Variants in MYO18A observed in about 807,000 individuals in gnomAD.
The protein encoded by MYO18A is myosin XVIIIA, also known as unconventional myosin-XVIIIa.
MYO18A carries 78 observed loss-of-function variants against 235.8 expected under a neutral mutation model. The observed-to-expected ratio is 0.33, with a 90% CI of 0.28 to 0.40. The LOEUF is 0.40. Ranked by LOEUF, MYO18A falls within the 10% of genes least tolerant of loss-of-function variation. MYO18A has a pLI of 1.00. For missense variants in MYO18A, 2,215 were observed against 2,699.3 expected, an observed-to-expected ratio of 0.82 and a Z score of 3.98; for synonymous variants, 977 against 1,077.8, an observed-to-expected ratio of 0.91 and a Z score of 1.83.
At chr17:29,112,934 G>C (rs1186104677) in intron 15 of MYO18A, among the ~76,000 whole-genome samples, 1 of 152,236 alleles carries the variant, frequency 6.6e-6, no homozygotes, top group Non-Finnish European at 1.5e-5. Context: ...TGGGAAGACA[G>C]GCTTGGCACC....
At position 29,129,153 on chromosome 17, in the gene MYO18A, C is replaced by A; in HGVS notation, c.1000-6900G>T. 5.5e-6 allele frequency: 7 copies of A among 1,272,808 alleles called. No homozygotes were observed. In the South Asian group the frequency reaches 8.7e-5, roughly 16 times the overall value. The allele number at this position is 1,272,808 out of a possible 1,614,324, so 78.8% of individuals were successfully genotyped here. On this transcript the variant is annotated intron_variant, in intron 2 of 41. Transcript: ENST00000527372. ...AAAATGATCAGGGAGCTCTTCCTGG[C>A]CCCAAGACATGCCAGGCCTCCTCCT...
intron 20 of MYO18A, 46 bp downstream of exon 20, chr17:29,107,034 T>A: frequency 1.9e-6 from 3 of 1,570,450 alleles, no homozygotes; most frequent in Non-Finnish European, 8.8e-7. Context: ...GGCAGCTGCT[T>A]GAGGGGCCTG....
Position 29,121,643 on chromosome 17 carries a change from C to G in MYO18A, c.1275G>C (p.Leu425Phe). The part of the protein sequence containing the change: ...YLNESSVLHT[L>F]RQRYGASLLH... ...GCAGGCTAGCGCCATAGCGCTGGCGCAAGGTGTGCAGGACGCTGGACTCAT... is the reference window on the plus strand; with the variant it reads ...GCAGGCTAGCGCCATAGCGCTGGCGGAAGGTGTGCAGGACGCTGGACTCAT... Residue 425 changes from leucine (L) to phenylalanine (F), a missense_variant, in exon 5 of 42, where the codon TTG becomes TTC. Coordinates refer to ENST00000527372, the MANE Select transcript of MYO18A (RefSeq NM_078471.4). The surrounding 1 kb of genome is among the most constrained non-coding windows in gnomAD (Gnocchi z 4.2). The G allele has an allele frequency of 1.3e-6, 2 of 1,574,110 alleles. No homozygotes were observed. Among genetic ancestry groups the G allele is most frequent in the Non-Finnish European group, 1.7e-6 (2 of 1,160,064 alleles).
chr17:29,086,180 C>A (rs545067090), intron 39 of MYO18A, among the ~76,000 whole-genome samples: 1 of 152,338 alleles, frequency 6.6e-6, no homozygotes, highest in South Asian at 2.1e-4. Flanking sequence ...GAGAATAACT[C>A]ATCTTGAGCG....
chr17:29,078,183 A>AT (rs2066031416), intron 41 of MYO18A: 1 of 152,026 alleles, frequency 6.6e-6, no homozygotes. Context: ...CGCCCAGCTA[A>AT]TTTTTGTATT....
chr17:29,095,172 T>G (rs2066491680), intron 28 of MYO18A, 113 bp from the exon 29 acceptor site: 5 of 1,410,080 alleles, frequency 3.5e-6, no homozygotes, highest in Non-Finnish European at 4.7e-6. Context: ...GGGGGACCCA[T>G]GCAGCCCTAA....
chr17:29,115,124 A>C (rs775300677), intron 13 of MYO18A, 25 bp from the exon 14 acceptor site: 1 of 1,594,246 alleles, frequency 6.3e-7, no homozygotes, highest in African/African-American at 1.3e-5. Flanking sequence ...CCTGGGTCAG[A>C]GCCTCGCTGG....
chr17:29,154,877 CAT>C (rs2068034317), intron 2 of MYO18A, among the ~76,000 whole-genome samples: 1 of 152,208 alleles, frequency 6.6e-6, no homozygotes, highest in African/African-American at 2.4e-5. Flanking sequence ...GCAGTCCACA[CAT>C]GAGGGAGGGG....
chr17:29,135,549 T>C (rs949566824), intron 2 of MYO18A, among the ~76,000 whole-genome samples: 3 of 152,262 alleles, frequency 2.0e-5, no homozygotes, highest in African/African-American at 7.2e-5. Context: ...AGTTTGTCTG[T>C]TGGTGTAATT....
intron 41 of MYO18A, chr17:29,080,105 C>T (rs901343500): frequency 2.9e-5 from 29 of 985,956 alleles, no homozygotes; most frequent in Non-Finnish European, 3.4e-5. Flanking sequence ...CGGGACACAT[C>T]AGCAGCAGAG....
intron 26 of MYO18A, 85 bp downstream of exon 26, chr17:29,097,703 C>G (rs2066553439): frequency 8.3e-7 from 1 of 1,208,992 alleles, no homozygotes; most frequent in South Asian, 1.4e-5. Context: ...GGAGACAGGC[C>G]TGGACAAGGG....
chr17:29,107,260 C>T, intron 19 of MYO18A, 71 bp from the exon 20 acceptor site: 3 of 1,427,392 alleles, frequency 2.1e-6, no homozygotes, highest in Non-Finnish European at 3.0e-6. Flanking sequence ...AGCCACTGTG[C>T]CTGGGCAGTC....
chr17:29,089,837 G>C (rs966300605), intron 37 of MYO18A, 124 bp downstream of exon 37: 6 of 1,285,366 alleles, frequency 4.7e-6, no homozygotes, highest in Non-Finnish European at 6.4e-6. Context: ...CAGCTGGCCT[G>C]GCAGTGAGGC....
chr17:29,167,072 T>C (rs778311339), intron 1 of MYO18A, 51 bp from the exon 2 acceptor site: 46 of 1,321,338 alleles, frequency 3.5e-5, no homozygotes, highest in Non-Finnish European at 4.3e-5. Context: ...GAGCCTCATG[T>C]GTCTCCAGTC....
chr17:29,120,738 A>G lies in MYO18A; in HGVS notation c.1606T>C (p.Tyr536His). ...TTCCCAAAGGCTTCCAGGAGGGTGT[A>G]CAGAGCCTGCCACTTCTCCACTGCA... ...VFSVEKWQAL[Y>H]TLLEAFGNSP... is the part of the protein sequence containing the mutation. The change falls in exon 7 of 42, where the codon TAC (tyrosine) becomes CAC (histidine). Residue 536 changes from tyrosine (Y) to histidine (H), a missense_variant. Coordinates refer to ENST00000527372, the MANE Select transcript of MYO18A (RefSeq NM_078471.4). This position sits in a 1 kb window ranked among gnomAD's most constrained non-coding sequence, Gnocchi z 4.2. 1 of 1,613,694 alleles carries G rather than the reference A, an allele frequency of 6.2e-7. No homozygotes were observed. The highest frequency in any genetic ancestry group is 8.5e-7 in the Non-Finnish European group (1 of 1,179,772).
chr17:29,155,527 G>C (rs932103175), intron 2 of MYO18A: 2 of 152,446 alleles, frequency 1.3e-5, no homozygotes, highest in African/African-American at 4.8e-5. Context: ...GTGGGAGGGA[G>C]GAGCCAGCAG....
intron 39 of MYO18A, among the ~76,000 whole-genome samples, chr17:29,086,046 C>T (rs1301868959): frequency 6.6e-6 from 1 of 152,272 alleles, no homozygotes; most frequent in Non-Finnish European, 1.5e-5. Context: ...ATCTCTTTCT[C>T]TCCAAACCAT....
Position 29,115,708 on chromosome 17 carries a change from G to A in MYO18A, c.2183C>T (p.Ser728Phe), listed in dbSNP as rs2067043393. 2 of 1,606,646 alleles carry A rather than the reference G, an allele frequency of 1.2e-6. No homozygotes were observed. Among genetic ancestry groups the A allele is most frequent in the East Asian group, 2.2e-5 (1 of 44,688 alleles). ...HKGGTLQRST[S>F]FRQGPEESGL... The stretch of plus-strand genomic sequence containing the variant: ...ACTCTCCTCGGGGCCCTGGCGGAAG[G>A]AGGTGGAGCGCTGCAGGGTGCCACC... The change falls in exon 12 of 42, where the codon TCC becomes TTC. Residue 728 changes from serine to phenylalanine, a missense_variant. By Grantham distance (155) the Ser-to-Phe change is radical. Coordinates refer to ENST00000527372, the MANE Select transcript of MYO18A (RefSeq NM_078471.4).
chr17:29,071,950 A>G lies in MYO18A; in HGVS notation c.*2820T>C, dbSNP rs1290419292. ...GCAGGCAGTCATGAAATATTTCTCA[A>G]CTGTTAAGCAAATGAATATGTTTTC... On this transcript the variant is annotated 3_prime_UTR_variant, in exon 42 of 42. Coordinates refer to ENST00000527372, the MANE Select transcript of MYO18A (RefSeq NM_078471.4). 2 of 152,198 alleles carry G rather than the reference A, an allele frequency of 1.3e-5. No individual in the cohort carries two copies. Among genetic ancestry groups the G allele is most frequent in the Non-Finnish European group, 2.9e-5 (2 of 68,026 alleles). The allele number at this position is 152,198 out of a possible 1,614,324, so 9.4% of individuals were successfully genotyped here. A position where few individuals can be genotyped will look rare whatever the true frequency, so the allele number is the denominator to read the frequency against.
Sources: allele counts gnomAD v4.1 joint callset (sites outside exome capture counted in the v4.1 genomes callset), GRCh38; gene constraint gnomAD v4.1.1; non-coding constraint Gnocchi (gnomAD v3.1); transcripts MANE v1.5; gene names NCBI Gene and HGNC (gene_info 2026-07-23, HGNC 2026-07-21).